The following CPM variants were observed in gnomAD, a reference collection of about 807,000 sequenced individuals.
CPM encodes the protein carboxypeptidase M.
CPM carries 35 observed loss-of-function variants against 46.4 expected under a neutral mutation model. That is an observed-to-expected ratio of 0.75 (90% CI 0.58 to 1.00). CPM has a LOEUF of 1.00. Ranked by LOEUF, CPM falls within the 50% of genes least tolerant of loss-of-function variation. The pLI, the probability that CPM is intolerant of heterozygous loss-of-function variation, is 0.00. For missense variants in CPM, 422 were observed against 530.4 expected (o/e 0.80, Z 2.01); for synonymous variants, 195 against 195.3 (o/e 1.00, Z 0.01).
Position 68,853,743 on chromosome 12 carries a change from G to T in CPM, c.*2694C>A, listed in dbSNP as rs1884833039. ...AAAAAAGAGAAAGAAGGATGGGAAG[G>T]GGAGGGAAGGGGAGGGGAGCGGAGG... On this transcript the variant is annotated 3_prime_UTR_variant, in exon 9 of 9. Coordinates refer to ENST00000551568, the MANE Select transcript of CPM (RefSeq NM_198320.5). 1 of 151,806 alleles carries T rather than the reference G, an allele frequency of 6.6e-6. No homozygotes were observed. The highest frequency in any genetic ancestry group is 6.6e-5 in the Admixed American group (1 of 15,188). 9.4% of individuals were successfully genotyped at this position (151,806 alleles called of 1,614,324 possible). A position where few individuals can be genotyped will look rare whatever the true frequency, so the allele number is the denominator to read the frequency against.
At position 68,852,997 on chromosome 12, in the gene CPM, G is replaced by A. The variant is rs1311125688; in HGVS notation, c.*3440C>T. 6.6e-6 allele frequency: 1 copy of A among 152,318 alleles called. No homozygotes were observed. Among genetic ancestry groups the A allele is most frequent in the East Asian group, 1.9e-4 (1 of 5,204 alleles). 9.4% of individuals were successfully genotyped at this position (152,318 alleles called of 1,614,324 possible). A position where few individuals can be genotyped will look rare whatever the true frequency, so the allele number is the denominator to read the frequency against. ...ATAACCACCAGCCCAAGAGGGAGGG[G>A]AAAAGCCGGAAAGGCGTTGGGCAGG... On this transcript the variant is annotated 3_prime_UTR_variant, in exon 9 of 9. Coordinates refer to ENST00000551568, the MANE Select transcript of CPM (RefSeq NM_198320.5).
At chr12:68,901,042 C>G (rs1035429084) in intron 2 of CPM, among the ~76,000 whole-genome samples, 20 of 152,122 alleles carry the variant, frequency 1.3e-4, no homozygotes, top group African/African-American at 4.8e-4. Context: ...AGAGGCTATG[C>G]GCGTGTGGGG....
intron 2 of CPM, among the ~76,000 whole-genome samples, chr12:68,893,461 T>C (rs888228885): frequency 6.6e-6 from 1 of 152,172 alleles, no homozygotes; most frequent in African/African-American, 2.4e-5. Flanking sequence ...AATTCCTGAC[T>C]TTGTTTATGG....
intron 2 of CPM, among the ~76,000 whole-genome samples, chr12:68,897,778 C>CTATACAGTTAT (rs1886942577): frequency 6.7e-6 from 1 of 149,802 alleles, no homozygotes; most frequent in Non-Finnish European, 1.5e-5. Context: ...ACAACTAGCA[C>CTATACAGTTAT]TATACAGTTA....
chr12:68,860,680 C>G (rs1236706719), intron 7 of CPM, among the ~76,000 whole-genome samples: 1 of 152,054 alleles, frequency 6.6e-6, no homozygotes, highest in Non-Finnish European at 1.5e-5. Context: ...GTGTACCCAT[C>G]ATCATAGCTT....
At chr12:68,865,796 T>C (rs1337920365) in intron 7 of CPM, among the ~76,000 whole-genome samples, 1 of 152,226 alleles carries the variant, frequency 6.6e-6, no homozygotes, top group African/African-American at 2.4e-5. Flanking sequence ...ACCTGGTTAA[T>C]AAACTTGAAC....
intron 1 of CPM, among the ~76,000 whole-genome samples, chr12:68,945,677 A>AC (rs1240451039): frequency 1.3e-5 from 2 of 152,064 alleles, no homozygotes; most frequent in Non-Finnish European, 2.9e-5. Context: ...ACTACAAGAG[A>AC]CCTAATGCAA....
chr12:68,908,674 A>C (rs1043201211), intron 2 of CPM, among the ~76,000 whole-genome samples: 2 of 152,232 alleles, frequency 1.3e-5, no homozygotes, highest in Admixed American at 6.5e-5. Context: ...AACCATAAAA[A>C]TATTGAAAAG....
At chr12:68,900,125 G>A (rs1259556200) in intron 2 of CPM, among the ~76,000 whole-genome samples, 2 of 152,152 alleles carry the variant, frequency 1.3e-5, no homozygotes, top group Non-Finnish European at 1.5e-5. Flanking sequence ...CAAAAGACAT[G>A]TCTGATGAAA....
chr12:68,890,836 G>A (rs937836823), intron 2 of CPM, among the ~76,000 whole-genome samples: 3 of 152,262 alleles, frequency 2.0e-5, no homozygotes, highest in African/African-American at 7.2e-5. Context: ...GACATGCCTA[G>A]GGAGAAGCAG....
chr12:68,905,775 T>C (rs751864830), intron 2 of CPM, among the ~76,000 whole-genome samples: 2 of 152,154 alleles, frequency 1.3e-5, no homozygotes, highest in Non-Finnish European at 2.9e-5. Flanking sequence ...AAATATTTAA[T>C]AGGGACTTAC....
chr12:68,920,699 C>CTTTTTT (rs1287491577), intron 2 of CPM, among the ~76,000 whole-genome samples: 9 of 125,250 alleles, frequency 7.2e-5, no homozygotes, highest in South Asian at 2.4e-4. Flanking sequence ...TTTTCTTTTT[C>CTTTTTT]TTTTTTTTTT....
At chr12:68,922,455 A>G (rs1888074538) in intron 2 of CPM, among the ~76,000 whole-genome samples, 1 of 152,230 alleles carries the variant, frequency 6.6e-6, no homozygotes, top group Admixed American at 6.5e-5. Context: ...GGATTACTTA[A>G]TTGGCTTCTC....
intron 3 of CPM, among the ~76,000 whole-genome samples, chr12:68,881,064 G>C (rs560506948): frequency 6.6e-6 from 1 of 152,264 alleles, no homozygotes; most frequent in South Asian, 2.1e-4. Flanking sequence ...GCTGAAAATG[G>C]GCCATTTTAA....
chr12:68,886,370 C>T (rs1316434610), intron 2 of CPM, among the ~76,000 whole-genome samples: 2 of 151,258 alleles, frequency 1.3e-5, no homozygotes, highest in Non-Finnish European at 2.9e-5. Context: ...CGGTGGCTCA[C>T]GCCTGTAATC....
downstream of CPM, chr12:68,846,466 T>C (rs1402442849): frequency 1.3e-5 from 2 of 152,202 alleles, no homozygotes; most frequent in Non-Finnish European, 2.9e-5. Context: ...TTTTAGCGCT[T>C]TTGCCTGTGT....
chr12:68,851,855 C>G lies in CPM; in HGVS notation c.*4582G>C, dbSNP rs926447602. 1.3e-5 allele frequency: 2 copies of G among 152,172 alleles called. No homozygotes were observed. Among genetic ancestry groups the G allele is most frequent in the African/African-American group, 4.8e-5 (2 of 41,448 alleles). 9.4% of individuals were successfully genotyped at this position (152,172 alleles called of 1,614,324 possible). A position where few individuals can be genotyped will look rare whatever the true frequency, so the allele number is the denominator to read the frequency against. On this transcript the variant is annotated 3_prime_UTR_variant, in exon 9 of 9. Transcript: ENST00000551568. ...CTAGTCTGGTCATCATAATTTTCTC[C>G]CCCTTCCCCCTTCTAAAGTCATGAG...
chr12:68,952,294 TCTTCC>T (rs1256298902), intron 1 of CPM, among the ~76,000 whole-genome samples: 1 of 152,196 alleles, frequency 6.6e-6, no homozygotes, highest in African/African-American at 2.4e-5. Context: ...TGGTCCCTGC[TCTTCC>T]CTTAGACCCA....
chr12:68,934,680 A>G (rs1426514006), upstream of CPM, among the ~76,000 whole-genome samples: 2 of 152,136 alleles, frequency 1.3e-5, no homozygotes, highest in African/African-American at 4.8e-5. Flanking sequence ...AAAAGAACTG[A>G]GGCGCTCACG....
Sources: gnomAD v4.1 joint callset for allele counts (sites outside exome capture counted in the v4.1 genomes callset) on GRCh38, gnomAD v4.1.1 for gene constraint, MANE v1.5 for transcripts, NCBI Gene and HGNC (gene_info 2026-07-23, HGNC 2026-07-21) for gene names.